The following EIF2AK1 variants were observed in gnomAD, a reference collection of about 807,000 sequenced individuals.
EIF2AK1 encodes the protein eukaryotic translation initiation factor 2 alpha kinase 1, also known as eukaryotic translation initiation factor 2-alpha kinase 1.
In EIF2AK1, 54 loss-of-function variants were observed where a neutral mutation model predicts 77.9. The ratio of observed to expected loss-of-function variants is 0.69; its 90% confidence interval spans 0.56 to 0.87. The LOEUF is 0.87. Among genes scored for constraint, EIF2AK1 ranks in the 40% least tolerant of loss-of-function variants. EIF2AK1 has a pLI of 0.00. For synonymous variants in EIF2AK1, 314 were observed against 290.5 expected, an observed-to-expected ratio of 1.08 and a Z score of -0.82; for missense variants, 810 against 768.6, an observed-to-expected ratio of 1.05 and a Z score of -0.64.
At chr7:6,058,328 G>A (rs922450585) in intron 1 of EIF2AK1, 1 of 355,782 alleles carries the variant, frequency 2.8e-6, no homozygotes, top group African/African-American at 2.2e-5. Context: ...AAGGCTGGAG[G>A]ATCACTTGAG....
rs1252260140 is a variant in EIF2AK1, at chr7:6,032,536, A to G, written c.1333-3504T>C. Among the ~76,000 whole-genome samples, 2 of 152,242 alleles carry G rather than the reference A, an allele frequency of 1.3e-5. No individual in the cohort carries two copies. Among genetic ancestry groups the G allele is most frequent in the Non-Finnish European group, 2.9e-5 (2 of 68,038 alleles). On this transcript the variant is annotated intron_variant, in intron 11 of 14. Coordinates refer to ENST00000199389, the MANE Select transcript of EIF2AK1 (RefSeq NM_014413.4). This position sits in a 1 kb window ranked among gnomAD's most constrained non-coding sequence, Gnocchi z 4.3. ...AGTGACTTCATAGCAAGTACCCTTA[A>G]TATCACACCACAGGCTCTTCTGAAG... is the stretch of plus-strand genomic sequence containing the variant.
intron 9 of EIF2AK1, among the ~76,000 whole-genome samples, chr7:6,040,082 TA>T (rs1253795875): frequency 4.6e-5 from 7 of 152,250 alleles, no homozygotes; most frequent in Admixed American, 3.9e-4. Context: ...TTTTTAGTTT[TA>T]TTTTTTTATT....
intron 1 of EIF2AK1, among the ~76,000 whole-genome samples, chr7:6,057,130 T>TTA (rs1023680202): frequency 7.0e-6 from 1 of 142,946 alleles, no homozygotes; most frequent in African/African-American, 2.6e-5. Flanking sequence ...CCATCTCTTT[T>TTA]TTTTTTTTTT....
intron 7 of EIF2AK1, among the ~76,000 whole-genome samples, chr7:6,043,415 T>C (rs1205459667): frequency 6.6e-6 from 1 of 152,012 alleles, no homozygotes; most frequent in African/African-American, 2.4e-5. Context: ...CTCATCTCTA[T>C]TTTTAAAACA....
chr7:6,044,758 G>A (rs1267088042), intron 6 of EIF2AK1, 97 bp from the exon 7 acceptor site: 3 of 980,408 alleles, frequency 3.1e-6, no homozygotes, highest in African/African-American at 1.6e-5. Context: ...GATGGCCCCT[G>A]ACTTACAATG....
At position 6,033,622 on chromosome 7, in the gene EIF2AK1, G is replaced by A. The variant is rs1379461297; in HGVS notation, c.1332+3802C>T. Reference sequence around the variant, plus strand: ...TTTTTGTTTTTTGAGACAGAGTCTCGCTCTGTCGCCCAGGCTGGAGTGCAG... The same window carrying A: ...TTTTTGTTTTTTGAGACAGAGTCTCACTCTGTCGCCCAGGCTGGAGTGCAG... On this transcript the variant is annotated intron_variant, in intron 11 of 14. Coordinates refer to ENST00000199389, the MANE Select transcript of EIF2AK1 (RefSeq NM_014413.4). The surrounding 1 kb of genome is among the most constrained non-coding windows in gnomAD (Gnocchi z 4.4). Among the ~76,000 whole-genome samples the A allele has an allele frequency of 6.6e-6, 1 of 151,674 alleles. No individual in the cohort carries two copies. Among genetic ancestry groups the A allele is most frequent in the South Asian group, 2.1e-4 (1 of 4,806 alleles).
At chr7:6,044,973 T>C (rs1583491873) in intron 6 of EIF2AK1, among the ~76,000 whole-genome samples, 1 of 152,302 alleles carries the variant, frequency 6.6e-6, no homozygotes, top group East Asian at 1.9e-4. Context: ...TTATGCATAT[T>C]AAAATGCATC....
In EIF2AK1 at chr7:6,022,325, A is replaced by C. The variant is rs1787484776; in HGVS notation, c.*2348T>G. 1 of 152,212 alleles carries C rather than the reference A, an allele frequency of 6.6e-6. No individual in the cohort carries two copies. Among genetic ancestry groups the C allele is most frequent in the Admixed American group, 6.5e-5 (1 of 15,282 alleles). 9.4% of individuals were successfully genotyped at this position (152,212 alleles called of 1,614,324 possible). A position where few individuals can be genotyped will look rare whatever the true frequency, so the allele number is the denominator to read the frequency against. On this transcript the variant is annotated 3_prime_UTR_variant, in exon 15 of 15. Transcript: ENST00000199389. ...CAGACCATACAAAACGTGTTAATCA[A>C]CTGTGATGGGTAAGGCTTCCCATGA...
At position 6,024,402 on chromosome 7, in the gene EIF2AK1, G is replaced by T; in HGVS notation, c.*271C>A. ...ACCTTCTAGAGGAAGACCAGACAGA[G>T]GGTCAACAGAGTTGAAAGGAGAAAA... On this transcript the variant is annotated 3_prime_UTR_variant, in exon 15 of 15. Coordinates refer to ENST00000199389, the MANE Select transcript of EIF2AK1 (RefSeq NM_014413.4). 1 of 1,313,826 alleles carries T rather than the reference G, an allele frequency of 7.6e-7. No individual in the cohort carries two copies. Among genetic ancestry groups the T allele is most frequent in the African/African-American group, 1.5e-5 (1 of 66,976 alleles). 81.4% of individuals were successfully genotyped at this position (1,313,826 alleles called of 1,614,324 possible).
intron 1 of EIF2AK1, among the ~76,000 whole-genome samples, chr7:6,058,599 CAA>C (rs1342229502): frequency 6.6e-6 from 1 of 152,184 alleles, no homozygotes; most frequent in Non-Finnish European, 1.5e-5. Context: ...GTATAGTTTG[CAA>C]AGTCTCCTTG....
At chr7:6,055,631 C>G (rs1788729933) in intron 1 of EIF2AK1, among the ~76,000 whole-genome samples, 1 of 146,666 alleles carries the variant, frequency 6.8e-6, no homozygotes, top group African/African-American at 2.5e-5. Flanking sequence ...GGCTGAAGGT[C>G]GTTAAGTTCT....
chr7:6,036,113 G>T lies in EIF2AK1; in HGVS notation c.1332+1311C>A, dbSNP rs947116446. Reference sequence around the variant, plus strand: ...AGCGCAGTTGCAATGTAAGAGATACGGCACTTCTGGCCAGGCTACTTTATC... The same window carrying T: ...AGCGCAGTTGCAATGTAAGAGATACTGCACTTCTGGCCAGGCTACTTTATC... On this transcript the variant is annotated intron_variant, in intron 11 of 14. Coordinates refer to ENST00000199389, the MANE Select transcript of EIF2AK1 (RefSeq NM_014413.4). This position sits in a 1 kb window ranked among gnomAD's most constrained non-coding sequence, Gnocchi z 4.6. 4 of 1,550,570 alleles carry T rather than the reference G, an allele frequency of 2.6e-6. No individual in the cohort carries two copies. The highest frequency in any genetic ancestry group is 3.5e-6 in the Non-Finnish European group (4 of 1,147,038).
At chr7:6,034,566 A>G (rs868560119) in intron 11 of EIF2AK1, among the ~76,000 whole-genome samples, 2 of 152,004 alleles carry the variant, frequency 1.3e-5, no homozygotes, top group Non-Finnish European at 2.9e-5. Context: ...CTATTTACTG[A>G]GCTGTTTCAC....
chr7:6,056,058 C>G (rs1053584658), intron 1 of EIF2AK1, among the ~76,000 whole-genome samples: 7 of 149,706 alleles, frequency 4.7e-5, no homozygotes, highest in Middle Eastern at 3.6e-3. Flanking sequence ...TTAGAGAGGC[C>G]GAGGCAAGCA....
rs1215252575 is a variant in EIF2AK1, at chr7:6,029,007, G to C, written c.1358C>G (p.Pro453Arg). The change falls in exon 12 of 15, where the codon CCT becomes CGT. Residue 453 changes from proline to arginine, a missense_variant. This residue lies in a region of EIF2AK1 where 549 missense variants were observed against 533.7 expected (regional missense o/e 1.03). Coordinates refer to ENST00000199389, the MANE Select transcript of EIF2AK1 (RefSeq NM_014413.4). ...LKPRNIFLHG[P>R]DQQVKIGDFG... ...GTCTCCTATTTTTACTTGCTGATCA[G>C]GGCCATGAAGAAAAATATTTCTTGG... 1 of 1,611,208 alleles carries C rather than the reference G, an allele frequency of 6.2e-7. No homozygotes were observed. Among genetic ancestry groups the C allele is most frequent in the Non-Finnish European group, 8.5e-7 (1 of 1,179,470 alleles).
chr7:6,029,461 C>A (rs2128885428), intron 11 of EIF2AK1, among the ~76,000 whole-genome samples: 1 of 152,046 alleles, frequency 6.6e-6, no homozygotes, highest in East Asian at 1.9e-4. Flanking sequence ...GCATTGCACT[C>A]CAGCCTGGGC....
chr7:6,026,979 G>C lies in EIF2AK1; in HGVS notation c.1531-18C>G. On this transcript the variant is annotated intron_variant, in intron 13 of 14. Coordinates refer to ENST00000199389, the MANE Select transcript of EIF2AK1 (RefSeq NM_014413.4). Reference sequence around the variant, plus strand: ...ATATCTGACTGGAAAAAGAAAAAAAGGGGAACTCAGTAGTGAAATACAAAG... The same window carrying C: ...ATATCTGACTGGAAAAAGAAAAAAACGGGAACTCAGTAGTGAAATACAAAG... The C allele has an allele frequency of 6.3e-7, 1 of 1,590,788 alleles. No individual in the cohort carries two copies. The highest frequency in any genetic ancestry group is 8.6e-7 in the Non-Finnish European group (1 of 1,160,144).
chr7:6,043,118 T>TG, intron 7 of EIF2AK1, 125 bp from the exon 8 acceptor site: 1 of 942,770 alleles, frequency 1.1e-6, no homozygotes, highest in South Asian at 1.6e-5. Context: ...CATGACCTTC[T>TG]GGCAAAATAC....
In EIF2AK1 at chr7:6,035,716, C is replaced by G. The variant is rs1215622870; in HGVS notation, c.1332+1708G>C. On this transcript the variant is annotated intron_variant, in intron 11 of 14. Coordinates refer to ENST00000199389, the MANE Select transcript of EIF2AK1 (RefSeq NM_014413.4). The surrounding 1 kb of genome is among the most constrained non-coding windows in gnomAD (Gnocchi z 5.5). ...ACCCAAAATGGTGCCGATGTCAATG[C>G]TATTAATGAAGCCAGCATGACACCC... 2.6e-6 allele frequency: 4 copies of G among 1,550,810 alleles called. No homozygotes were observed. Among genetic ancestry groups the G allele is most frequent in the African/African-American group, 1.4e-5 (1 of 73,048 alleles).
Sources: allele counts gnomAD v4.1 joint callset (sites outside exome capture counted in the v4.1 genomes callset), GRCh38; gene constraint gnomAD v4.1.1; regional missense constraint gnomAD v4.1.1; non-coding constraint Gnocchi (gnomAD v3.1); transcripts MANE v1.5; gene names NCBI Gene and HGNC (gene_info 2026-07-23, HGNC 2026-07-21).